ECT2: variants seen among roughly 807,000 people sequenced by gnomAD.
ECT2 encodes protein ECT2.
In ECT2, 61 loss-of-function variants were observed where a neutral mutation model predicts 116.9. The ratio of observed to expected loss-of-function variants is 0.52; its 90% CI spans 0.42 to 0.65. The LOEUF is 0.65. Ranked by LOEUF, ECT2 falls within the 30% of genes least tolerant of loss-of-function variation. The pLI, the probability that ECT2 is intolerant of heterozygous loss-of-function variation, is 0.00. For missense variants in ECT2, 937 were observed against 1,078.7 expected (o/e 0.87, Z 1.84); for synonymous variants, 358 against 346.4 (o/e 1.03, Z -0.37).
In ECT2 at chr3:172,769,035, T is replaced by C; in HGVS notation, c.1320T>C (p.Ser440=). 6.2e-7 allele frequency: 1 copy of C among 1,613,284 alleles called. No individual in the cohort carries two copies. ...CCCCAAAGTCTTGTACTAAGTCTTC[T>C]AAAAGCTCCACTCCAGTTCCTTCAA... ...GDTPKSCTKS[S]KSSTPVPSKQ... is the part of the protein sequence containing the mutation. Residue 440 remains serine, a synonymous_variant, in exon 13 of 25, where the codon TCT becomes TCC. Coordinates refer to ENST00000392692, the MANE Select transcript of ECT2 (RefSeq NM_001258315.2).
chr3:172,829,138 G>A, the ECT2 span: 28 of 667,486 alleles, frequency 4.2e-5, no homozygotes, highest in Non-Finnish European at 7.5e-5. Flanking sequence ...GTGGATCTGA[G>A]CCGGAGAAAT....
At chr3:172,771,118 G>A (rs981451176) in intron 13 of ECT2, among the ~76,000 whole-genome samples, 1 of 151,964 alleles carries the variant, frequency 6.6e-6, no homozygotes, top group Non-Finnish European at 1.5e-5. Context: ...TCCTTCCTTT[G>A]GTAATGCCTT....
At chr3:172,798,164 C>G (rs1200653448) in intron 18 of ECT2, among the ~76,000 whole-genome samples, 1 of 152,044 alleles carries the variant, frequency 6.6e-6, no homozygotes, top group Non-Finnish European at 1.5e-5. Flanking sequence ...ATAAGTGATA[C>G]TAGATCTTTT....
intron 6 of ECT2, among the ~76,000 whole-genome samples, chr3:172,759,949 A>T (rs543711342): frequency 8.5e-5 from 13 of 152,322 alleles, no homozygotes; most frequent in African/African-American, 3.1e-4. Flanking sequence ...ATCTTTACTA[A>T]TCCCACCTCT....
intron 14 of ECT2, among the ~76,000 whole-genome samples, chr3:172,779,485 ACCTAT>A (rs1344204299): frequency 6.6e-6 from 1 of 152,182 alleles, no homozygotes; most frequent in Admixed American, 6.5e-5. Context: ...AAGAAGTTTT[ACCTAT>A]GTGGATTTTA....
intron 13 of ECT2, 79 bp downstream of exon 13, chr3:172,769,222 C>A (rs1035078638): frequency 4.6e-6 from 6 of 1,316,602 alleles, no homozygotes; most frequent in African/African-American, 1.5e-5. Context: ...TTGTTTCTTA[C>A]GAGAAAATTA....
In ECT2 at chr3:172,816,722, C is replaced by CA. The variant is rs749140446; in HGVS notation, c.2545dup (p.Arg849LysfsTer23). The CA allele has an allele frequency of 6.2e-7, 1 of 1,605,802 alleles. No homozygotes were observed. The highest frequency in any genetic ancestry group is 1.1e-5 in the South Asian group (1 of 89,964). On this transcript the variant is annotated frameshift_variant, in exon 24 of 25. Coordinates refer to ENST00000392692, the MANE Select transcript of ECT2 (RefSeq NM_001258315.2). LOFTEE classifies it high-confidence loss of function. ...AGAGCATTCTCTTTCTCCAAAACTC[C>CA]AAAAAGAGCTCTTCGAAGGGCTCTT...
At chr3:172,777,515 ATTTTTGAGGTTGTTATATACATCTCTCTC>A (rs1210905686) in intron 14 of ECT2, among the ~76,000 whole-genome samples, 1 of 152,074 alleles carries the variant, frequency 6.6e-6, no homozygotes, top group Non-Finnish European at 1.5e-5. Context: ...TAAGATGAAA[ATTTTTGAGGTTGTTATATACATCTCTCTC>A]TTTTCCTCAG....
intron 13 of ECT2, among the ~76,000 whole-genome samples, chr3:172,773,650 G>T (rs1188480233): frequency 1.3e-5 from 2 of 152,206 alleles, no homozygotes; most frequent in Non-Finnish European, 2.9e-5. Context: ...ATTGATTGCA[G>T]AACTGTGTGA....
chr3:172,752,710 T>C (rs1221917350), intron 1 of ECT2, among the ~76,000 whole-genome samples: 2 of 152,206 alleles, frequency 1.3e-5, no homozygotes. Context: ...ATAAGAAATA[T>C]CCATATTGTG....
chr3:172,809,632 A>C (rs992663403), intron 22 of ECT2, among the ~76,000 whole-genome samples: 8 of 152,026 alleles, frequency 5.3e-5, no homozygotes, highest in Non-Finnish European at 1.2e-4. Context: ...AAAAAGATAT[A>C]AAAATCTCTG....
At chr3:172,805,440 C>T (rs1232952697) in intron 20 of ECT2, among the ~76,000 whole-genome samples, 2 of 151,988 alleles carry the variant, frequency 1.3e-5, no homozygotes, top group African/African-American at 2.4e-5. Context: ...TTGATCCTGT[C>T]GCTTCTCATC....
intron 12 of ECT2, among the ~76,000 whole-genome samples, chr3:172,766,993 A>G (rs894043869): frequency 2.0e-5 from 3 of 152,228 alleles, no homozygotes; most frequent in African/African-American, 7.2e-5. Flanking sequence ...TTTGTAGGTC[A>G]TTGTCTAGAC....
chr3:172,805,656 G>A lies in ECT2; in HGVS notation c.2107-75G>A, dbSNP rs1490168666. Reference sequence around the variant, plus strand: ...TTATATATAGATTTATGTGATTAGTGCTATTTTATTTTTTAAGTATTTGGT... The same window carrying A: ...TTATATATAGATTTATGTGATTAGTACTATTTTATTTTTTAAGTATTTGGT... On this transcript the variant is annotated intron_variant, in intron 20 of 24. Coordinates refer to ENST00000392692, the MANE Select transcript of ECT2 (RefSeq NM_001258315.2). 9 of 1,377,866 alleles carry A rather than the reference G, an allele frequency of 6.5e-6. No homozygotes were observed. In the East Asian group the frequency reaches 2.2e-4, roughly 33 times the overall value. The allele number at this position is 1,377,866 out of a possible 1,614,324, so 85.4% of individuals were successfully genotyped here. A position where few individuals can be genotyped will look rare whatever the true frequency, so the allele number is the denominator to read the frequency against.
At chr3:172,786,024 G>A (rs1723546224) in intron 17 of ECT2, among the ~76,000 whole-genome samples, 1 of 152,128 alleles carries the variant, frequency 6.6e-6, no homozygotes, top group Non-Finnish European at 1.5e-5. Context: ...ATGGCATAGG[G>A]AACACAAATA....
chr3:172,795,159 A>G (rs1244126502), intron 18 of ECT2, among the ~76,000 whole-genome samples: 3 of 151,758 alleles, frequency 2.0e-5, no homozygotes, highest in East Asian at 1.9e-4. Flanking sequence ...TTTTGATGCT[A>G]TTGTAACACA....
intron 24 of ECT2, chr3:172,818,629 C>T (rs895356361): frequency 4.0e-5 from 51 of 1,288,732 alleles, no homozygotes; most frequent in East Asian, 5.6e-5. Context: ...TACTGGTGGG[C>T]GCTCTCAGTA....
At chr3:172,779,865 C>G (rs538037617) in intron 14 of ECT2, among the ~76,000 whole-genome samples, 2 of 149,756 alleles carry the variant, frequency 1.3e-5, no homozygotes, top group South Asian at 4.2e-4. Flanking sequence ...CACTGCACTC[C>G]AGCCTGAGCA....
At chr3:172,774,507 T>C (rs911627242) in intron 14 of ECT2, among the ~76,000 whole-genome samples, 13 of 150,974 alleles carry the variant, frequency 8.6e-5, no homozygotes, top group African/African-American at 2.5e-4. Flanking sequence ...CCTTTTTTTT[T>C]CGAGATGGAG....
Sources: allele counts gnomAD v4.1 joint callset (sites outside exome capture counted in the v4.1 genomes callset), GRCh38; gene constraint gnomAD v4.1.1; transcripts MANE v1.5; gene names NCBI Gene and HGNC (gene_info 2026-07-23, HGNC 2026-07-21).